The following IFT122 variants were observed in gnomAD, a reference collection of about 807,000 sequenced individuals.
The protein encoded by IFT122 is intraflagellar transport protein 122 homolog.
In IFT122, 118 loss-of-function variants were observed where a neutral mutation model predicts 161.6. The observed-to-expected ratio is 0.73, with a 90% confidence interval of 0.63 to 0.85. The LOEUF (loss-of-function observed/expected upper bound fraction) is 0.85, where lower values mean the gene tolerates loss of function less well. IFT122 is among the 40% of genes least tolerant of loss of function. The pLI is 0.00. For synonymous variants in IFT122, 550 were observed against 602.4 expected (o/e 0.91, Z 1.27); for missense variants, 1,381 against 1,579.6 (o/e 0.87, Z 2.13).
chr3:129,509,385 G>A (rs1429540833), intron 23 of IFT122, among the ~76,000 whole-genome samples: 1 of 152,142 alleles, frequency 6.6e-6, no homozygotes, highest in African/African-American at 2.4e-5. Context: ...AACTTCCAGT[G>A]GCCGGCCACT....
chr3:129,504,475 G>A (rs1050040560), intron 21 of IFT122, 54 bp downstream of exon 21: 157 of 1,423,568 alleles, frequency 1.1e-4, no homozygotes, highest in Non-Finnish European at 1.5e-4. Flanking sequence ...TTACTGCCAA[G>A]ACATACATTT....
chr3:129,455,071 A>G (rs1450078835), intron 3 of IFT122, among the ~76,000 whole-genome samples: 5 of 152,060 alleles, frequency 3.3e-5, no homozygotes, highest in Non-Finnish European at 7.4e-5. Flanking sequence ...AGTCCTCAGA[A>G]TTGGTTTTTT....
chr3:129,467,148 T>G, intron 8 of IFT122, 82 bp downstream of exon 8: 14 of 1,386,242 alleles, frequency 1.0e-5, no homozygotes, highest in Non-Finnish European at 1.3e-5. Flanking sequence ...TGTTAAACTC[T>G]TTGGCCAAGG....
At chr3:129,467,097 CT>C in intron 8 of IFT122, 31 bp downstream of exon 8, 1 of 1,601,658 alleles carries the variant, frequency 6.2e-7, no homozygotes, top group Non-Finnish European at 8.5e-7. Context: ...GGGAACCCTT[CT>C]GGTAAGGGCC....
chr3:129,484,455 T>C (rs1215949006), intron 15 of IFT122, among the ~76,000 whole-genome samples: 2 of 152,220 alleles, frequency 1.3e-5, no homozygotes, highest in Admixed American at 6.5e-5. Context: ...ATATGCATAA[T>C]ATACAATTAG....
At chr3:129,519,432 G>C in intron 28 of IFT122, 136 bp from the exon 29 acceptor site, 1 of 1,245,796 alleles carries the variant, frequency 8.0e-7, no homozygotes, top group Non-Finnish European at 1.1e-6. Context: ...GGAGGAGCTT[G>C]CCACTGTTAG....
At chr3:129,463,272 C>A in intron 5 of IFT122, 3 of 376,028 alleles carry the variant, frequency 8.0e-6, no homozygotes, top group South Asian at 2.4e-5. Context: ...CAGAACTAAG[C>A]CATCACCATG....
intron 19 of IFT122, among the ~76,000 whole-genome samples, chr3:129,502,100 TCCTC>T (rs1448188785): frequency 6.6e-6 from 1 of 152,142 alleles, no homozygotes; most frequent in Non-Finnish European, 1.5e-5. Flanking sequence ...TCCCTGCAGC[TCCTC>T]CCTCTTTGGT....
intron 17 of IFT122, among the ~76,000 whole-genome samples, chr3:129,493,427 C>T (rs2080397483): frequency 6.6e-6 from 1 of 152,176 alleles, no homozygotes; most frequent in South Asian, 2.1e-4. Flanking sequence ...GTGCCACATG[C>T]GTGATTTATG....
intron 9 of IFT122, among the ~76,000 whole-genome samples, chr3:129,473,077 G>A (rs897978532): frequency 5.3e-5 from 8 of 152,142 alleles, no homozygotes; most frequent in East Asian, 1.9e-4. Flanking sequence ...AAGGAGGGAC[G>A]ATTGCTTGAG....
chr3:129,499,752 C>G (rs1284556443), intron 18 of IFT122, 150 bp from the exon 19 acceptor site: 24 of 856,662 alleles, frequency 2.8e-5, no homozygotes, highest in Non-Finnish European at 4.6e-5. Flanking sequence ...TGGGACTCCC[C>G]CAACTCAGCC....
intron 5 of IFT122, among the ~76,000 whole-genome samples, chr3:129,462,244 A>G (rs2076282791): frequency 6.6e-6 from 1 of 152,234 alleles, no homozygotes; most frequent in South Asian, 2.1e-4. Context: ...TTAAAAAGGC[A>G]AAATAGAATC....
chr3:129,476,403 A>G lies in IFT122; in HGVS notation c.905A>G (p.Lys302Arg). Reference sequence around the variant, plus strand: ...TACATTTTGCTGGGGGGTTCAGACAAGCAAGTATCTCTTTTCACCAAGGAT... The same window carrying G: ...TACATTTTGCTGGGGGGTTCAGACAGGCAAGTATCTCTTTTCACCAAGGAT... ...GEYILLGGSD[K>R]QVSLFTKDGV... is the part of the protein sequence containing the mutation. Residue 302 changes from lysine (K) to arginine (R), a missense_variant, in exon 10 of 30, where the codon AAG becomes AGG. Lys to Arg is a conservative substitution (Grantham distance 26). Around this residue, in one of 7 missense-constraint regions of IFT122, gnomAD observed 544 missense variants for 648.0 expected, o/e 0.84. Coordinates refer to ENST00000348417, the MANE Select transcript of IFT122 (RefSeq NM_052989.3). 6.2e-7 allele frequency: 1 copy of G among 1,614,166 alleles called. No homozygotes were observed. The highest frequency in any genetic ancestry group is 8.5e-7 in the Non-Finnish European group (1 of 1,180,028).
intron 9 of IFT122, among the ~76,000 whole-genome samples, chr3:129,474,798 A>T (rs1434168664): frequency 1.4e-4 from 22 of 152,156 alleles, no homozygotes; most frequent in Admixed American, 1.4e-3. Flanking sequence ...CAACCCACAG[A>T]ATGAGAGAAG....
intron 17 of IFT122, among the ~76,000 whole-genome samples, chr3:129,492,395 A>G (rs576904051): frequency 2.0e-5 from 3 of 152,272 alleles, no homozygotes; most frequent in Admixed American, 1.3e-4. Context: ...CTGTTGTGTG[A>G]TAGCTGGGTG....
At chr3:129,506,602 A>G in intron 22 of IFT122, 53 bp downstream of exon 22, 1 of 1,610,712 alleles carries the variant, frequency 6.2e-7, no homozygotes, top group South Asian at 1.1e-5. Context: ...TCTGACACCA[A>G]GATAAACATC....
Position 129,509,372 on chromosome 3 carries a change from G to A in IFT122, c.2886+1610G>A, listed in dbSNP as rs1189731271. Among the ~76,000 whole-genome samples, 4 of 152,164 alleles carry A rather than the reference G, an allele frequency of 2.6e-5. No homozygotes were observed. The East Asian group carries it at 7.7e-4, about 29-fold the overall frequency. On this transcript the variant is annotated intron_variant, in intron 23 of 29. Transcript: ENST00000348417. Reference sequence around the variant, plus strand: ...GCTTCGATGATTGCTCTCGGTTGTTGTCAACTTCCAGTGGCCGGCCACTAT... The same window carrying A: ...GCTTCGATGATTGCTCTCGGTTGTTATCAACTTCCAGTGGCCGGCCACTAT...
Position 129,515,444 on chromosome 3 carries a change from A to G in IFT122, c.3154-44A>G, listed in dbSNP as rs765510649. 4.8e-5 allele frequency: 56 copies of G among 1,159,534 alleles called. 2 individuals carry two copies. The South Asian group carries it at 6.8e-4, about 14-fold the overall frequency. The allele number at this position is 1,159,534 out of a possible 1,614,324, so 71.8% of individuals were successfully genotyped here. ...AGCCAGAGTCCAGGGGGAGGAGGACACGTGCCTGCCCCGGCCCCTCGGGAG... is the reference window on the plus strand; with the variant it reads ...AGCCAGAGTCCAGGGGGAGGAGGACGCGTGCCTGCCCCGGCCCCTCGGGAG... On this transcript the variant is annotated intron_variant, in intron 25 of 29. Coordinates refer to ENST00000348417, the MANE Select transcript of IFT122 (RefSeq NM_052989.3).
intron 26 of IFT122, among the ~76,000 whole-genome samples, chr3:129,516,860 G>C (rs1408729061): frequency 1.1e-5 from 1 of 94,612 alleles, no homozygotes; most frequent in Non-Finnish European, 2.1e-5. Context: ...CACACACAGA[G>C]GCTGCCCCTG....
Sources: allele counts gnomAD v4.1 joint callset (sites outside exome capture counted in the v4.1 genomes callset), GRCh38; gene constraint gnomAD v4.1.1; regional missense constraint gnomAD v4.1.1; transcripts MANE v1.5; gene names NCBI Gene and HGNC (gene_info 2026-07-23, HGNC 2026-07-21).